Variants in MDGA2 observed in about 807,000 individuals in gnomAD.
MDGA2 encodes MAM domain-containing glycosylphosphatidylinositol anchor protein 2.
Under a neutral mutation model 117.8 loss-of-function variants are expected in MDGA2, and 40 were observed. That is an observed-to-expected ratio of 0.34 (90% CI 0.26 to 0.44). The LOEUF (loss-of-function observed/expected upper bound fraction) is 0.44, where lower values mean the gene tolerates loss of function less well. MDGA2 is among the 20% of genes least tolerant of loss of function. MDGA2 has a pLI of 1.00. For synonymous variants in MDGA2, 452 were observed against 439.0 expected (o/e 1.03, Z -0.37); for missense variants, 1,123 against 1,250.6 (o/e 0.90, Z 1.54).
chr14:47,155,906 T>C (rs1883362186), intron 3 of MDGA2, among the ~76,000 whole-genome samples: 2 of 44,372 alleles, frequency 4.5e-5, no homozygotes, highest in Non-Finnish European at 9.4e-5. Flanking sequence ...TTTTTTTTTT[T>C]TTTTTTTTTT....
intron 1 of MDGA2, among the ~76,000 whole-genome samples, chr14:47,334,019 G>A (rs982611006): frequency 5.3e-5 from 8 of 151,628 alleles, no homozygotes; most frequent in Non-Finnish European, 8.9e-5. Flanking sequence ...GCTCTCAACA[G>A]GGATGATAAT....
chr14:47,598,710 A>G (rs2138873774), intron 1 of MDGA2, among the ~76,000 whole-genome samples: 1 of 152,272 alleles, frequency 6.6e-6, no homozygotes, highest in African/African-American at 2.4e-5. Flanking sequence ...GGTACAGTTT[A>G]TGTTAGAGAT....
chr14:47,335,745 T>TATATATACATAC, intron 1 of MDGA2, among the ~76,000 whole-genome samples: 1 of 95,582 alleles, frequency 1.0e-5, no homozygotes, highest in African/African-American at 4.3e-5. Context: ...TATATATATA[T>TATATATACATAC]ATACATACAT....
At chr14:47,098,964 T>C (rs761002604) in intron 5 of MDGA2, among the ~76,000 whole-genome samples, 6 of 151,960 alleles carry the variant, frequency 3.9e-5, no homozygotes, top group Non-Finnish European at 8.8e-5. Flanking sequence ...AATGCATATA[T>C]AACAAGATCA....
rs72680210 is a variant in MDGA2 at position 47,144,161 on chromosome 14, G to A, written c.709C>T (p.Arg237Trp). 14 of 1,551,016 alleles carry A rather than the reference G, an allele frequency of 9.0e-6. No individual in the cohort carries two copies. The highest frequency in any genetic ancestry group is 6.0e-5 in the South Asian group (5 of 84,010). ...TCCTGGCCACGTCTCCAGCTATACC[G>A]AACAGGAGGATTGGAATTGGCAACA... Reference protein sequence around the residue: ...RCVANSNPPVRYSWRRGQEVL... With the variant: ...RCVANSNPPVWYSWRRGQEVL... The change falls in exon 4 of 17, where the codon CGG (arginine) becomes TGG (tryptophan). Residue 237 changes from arginine (R) to tryptophan (W), a missense_variant. By Grantham distance (101) the Arg-to-Trp change is moderately radical. Around this residue, in one of 2 missense-constraint regions of MDGA2, gnomAD observed 890 missense variants for 1,050.3 expected, o/e 0.85. Coordinates refer to ENST00000399232, the MANE Select transcript of MDGA2 (RefSeq NM_001113498.3).
At chr14:47,648,904 A>T (rs1897586304) in intron 1 of MDGA2, among the ~76,000 whole-genome samples, 1 of 152,182 alleles carries the variant, frequency 6.6e-6, no homozygotes, top group Admixed American at 6.5e-5. Context: ...AGAAATGGAG[A>T]AGAGATAATA....
chr14:47,121,487 A>AAT (rs1407762406), intron 5 of MDGA2, among the ~76,000 whole-genome samples: 3 of 151,998 alleles, frequency 2.0e-5, no homozygotes, highest in African/African-American at 4.8e-5. Flanking sequence ...ATTACTTCTG[A>AAT]ATATATATAT....
At chr14:47,308,487 CCT>C (rs1052181135) in intron 1 of MDGA2, among the ~76,000 whole-genome samples, 4 of 145,374 alleles carry the variant, frequency 2.8e-5, no homozygotes, top group African/African-American at 1.0e-4. Flanking sequence ...TTCTTTTTTC[CCT>C]CTCTTTCTGT....
chr14:47,156,542 C>T (rs932001468), intron 3 of MDGA2, among the ~76,000 whole-genome samples: 5 of 152,134 alleles, frequency 3.3e-5, no homozygotes, highest in Non-Finnish European at 7.3e-5. Context: ...TTAACTGCGA[C>T]TGAAGTCACA....
At chr14:47,302,183 A>T (rs1249515026) in intron 1 of MDGA2, among the ~76,000 whole-genome samples, 1 of 152,200 alleles carries the variant, frequency 6.6e-6, no homozygotes, top group Non-Finnish European at 1.5e-5. Flanking sequence ...CTTCATTAGC[A>T]TAAAGCTGCC....
chr14:47,064,863 C>T (rs1312440635), intron 6 of MDGA2, among the ~76,000 whole-genome samples: 1 of 151,998 alleles, frequency 6.6e-6, no homozygotes, highest in South Asian at 2.1e-4. Flanking sequence ...TTTCCTGCTA[C>T]CAGTTAAGAT....
intron 1 of MDGA2, among the ~76,000 whole-genome samples, chr14:47,658,968 C>T (rs1382445579): frequency 1.3e-5 from 2 of 152,164 alleles, no homozygotes; most frequent in Non-Finnish European, 2.9e-5. Context: ...CCCTTCTTCC[C>T]TTACAGGTGT....
chr14:47,181,727 T>C (rs1325575833), intron 3 of MDGA2, among the ~76,000 whole-genome samples: 3 of 152,198 alleles, frequency 2.0e-5, no homozygotes, highest in Non-Finnish European at 4.4e-5. Context: ...CATCTTTTGA[T>C]CTTTTTTCTC....
chr14:47,305,078 C>A (rs1243837490), intron 1 of MDGA2, among the ~76,000 whole-genome samples: 1 of 151,972 alleles, frequency 6.6e-6, no homozygotes, highest in Non-Finnish European at 1.5e-5. Flanking sequence ...TAATTCACAG[C>A]ACAGAGGAGG....
chr14:47,329,082 G>A (rs193176782), intron 1 of MDGA2, among the ~76,000 whole-genome samples: 1 of 152,134 alleles, frequency 6.6e-6, no homozygotes, highest in African/African-American at 2.4e-5. Flanking sequence ...TTATAAACTA[G>A]GGGGAAAATT....
intron 7 of MDGA2, chr14:47,058,672 A>G: frequency 1.0e-6 from 1 of 985,300 alleles, no homozygotes; most frequent in Non-Finnish European, 1.2e-6. Flanking sequence ...TCAGATTTAT[A>G]GAACTTTATA....
chr14:47,363,201 G>A (rs1485680457), intron 1 of MDGA2, among the ~76,000 whole-genome samples: 1 of 151,840 alleles, frequency 6.6e-6, no homozygotes, highest in African/African-American at 2.4e-5. Flanking sequence ...ATTAAGAAAT[G>A]CTTGACTATC....
At chr14:47,068,919 T>A (rs1156771855) in intron 6 of MDGA2, among the ~76,000 whole-genome samples, 1 of 152,178 alleles carries the variant, frequency 6.6e-6, no homozygotes, top group Admixed American at 6.5e-5. Flanking sequence ...GCCCTTTCCC[T>A]TTCCAAAGTG....
intron 10 of MDGA2, among the ~76,000 whole-genome samples, chr14:46,891,680 C>T (rs931973008): frequency 2.0e-5 from 3 of 151,358 alleles, no homozygotes; most frequent in South Asian, 4.2e-4. Flanking sequence ...AATTTCGATA[C>T]ATTAAATAAT....
Sources: gnomAD v4.1 joint callset for allele counts (sites outside exome capture counted in the v4.1 genomes callset) on GRCh38, gnomAD v4.1.1 for gene constraint, gnomAD v4.1.1 regional missense constraint, MANE v1.5 for transcripts, NCBI Gene and HGNC (gene_info 2026-07-23, HGNC 2026-07-21) for gene names.